The following RUFY2 variants were observed in gnomAD, a reference collection of about 807,000 sequenced individuals.
RUFY2 encodes RUN and FYVE domain containing 2, also known as RUN and FYVE domain-containing protein 2.
RUFY2 carries 49 observed loss-of-function variants against 94.4 expected under a neutral mutation model. The observed-to-expected ratio is 0.52, with a 90% confidence interval of 0.41 to 0.66. RUFY2 has a LOEUF of 0.66. Among genes scored for constraint, RUFY2 ranks in the 30% least tolerant of loss-of-function variants. RUFY2 has a pLI of 0.00. For synonymous variants in RUFY2, 255 were observed against 235.7 expected, an observed-to-expected ratio of 1.08 and a Z score of -0.75; for missense variants, 541 against 692.8, an observed-to-expected ratio of 0.78 and a Z score of 2.46.
chr10:68,379,605 T>C (rs1313118393), intron 11 of RUFY2, 84 bp from the exon 12 acceptor site: 14 of 942,118 alleles, frequency 1.5e-5, no homozygotes, highest in East Asian at 2.6e-5. Context: ...TTTTAATAGA[T>C]AGGGTATCAC....
intron 16 of RUFY2, among the ~76,000 whole-genome samples, chr10:68,352,079 G>A (rs1177988333): frequency 6.6e-6 from 1 of 151,222 alleles, no homozygotes; most frequent in African/African-American, 2.4e-5. Context: ...GAAAAAAAGT[G>A]TGAGGATAAA....
In RUFY2 at chr10:68,343,877, ACTT is replaced by A; in HGVS notation, c.*1888_*1890del. The A allele has an allele frequency of 8.0e-6, 1 of 125,026 alleles. No individual in the cohort carries two copies. Among genetic ancestry groups the A allele is most frequent in the Non-Finnish European group, 1.8e-5 (1 of 55,470 alleles). 7.7% of individuals were successfully genotyped at this position (125,026 alleles called of 1,614,324 possible). A position where few individuals can be genotyped will look rare whatever the true frequency, so the allele number is the denominator to read the frequency against. On this transcript the variant is annotated 3_prime_UTR_variant, in exon 18 of 18. Transcript: ENST00000602465. ...ATACATGAGTTTTGAAAAGTGAGAA[ACTT>A]ACTTAAAGGATGACAAAATCATGGT... is the stretch of plus-strand genomic sequence containing the variant.
At chr10:68,378,632 A>G in intron 12 of RUFY2, 1 of 1,613,098 alleles carries the variant, frequency 6.2e-7, no homozygotes, top group Non-Finnish European at 8.5e-7. Context: ...CACCAATGAC[A>G]TTGCAATTGT....
intron 12 of RUFY2, 159 bp from the exon 13 acceptor site, chr10:68,377,131 A>C (rs2048732386): frequency 6.7e-7 from 1 of 1,499,140 alleles, no homozygotes. Context: ...AAAGAGCCAC[A>C]CAATGTCTAG....
intron 10 of RUFY2, among the ~76,000 whole-genome samples, chr10:68,382,040 G>C (rs1477459839): frequency 6.7e-6 from 1 of 150,048 alleles, no homozygotes; most frequent in Non-Finnish European, 1.5e-5. Flanking sequence ...TCAAATAACA[G>C]TTTAATTTCC....
downstream of RUFY2, chr10:68,342,224 GTTTA>G (rs2046010671): frequency 1.9e-6 from 1 of 524,860 alleles, no homozygotes. Flanking sequence ...TTTTCTGTAG[GTTTA>G]TTTGTTGCAT....
intron 12 of RUFY2, 37 bp from the exon 13 acceptor site, chr10:68,377,009 G>A (rs1671457747): frequency 6.2e-7 from 1 of 1,612,184 alleles, no homozygotes; most frequent in Non-Finnish European, 8.5e-7. Context: ...TAAAACTGAG[G>A]CTAGAACTAG....
At chr10:68,366,755 T>TAC (rs1483342671) in intron 13 of RUFY2, among the ~76,000 whole-genome samples, 1,917 of 138,644 alleles carry the variant, frequency 0.014, 63 homozygotes, top group South Asian at 0.023. Flanking sequence ...TATATATATA[T>TAC]ATATAATATT....
chr10:68,341,863 T>C (rs375884903), downstream of RUFY2: 106 of 1,602,204 alleles, frequency 6.6e-5, no homozygotes, highest in African/African-American at 8.7e-4. Flanking sequence ...TAAGTATCTC[T>C]AGTTCAGTTT....
At chr10:68,356,259 T>C in intron 15 of RUFY2, among the ~76,000 whole-genome samples, 1 of 151,976 alleles carries the variant, frequency 6.6e-6, no homozygotes, top group Non-Finnish European at 1.5e-5. Context: ...ATCCCAGCAC[T>C]TTTGGGGGCC....
intron 4 of RUFY2, among the ~76,000 whole-genome samples, chr10:68,395,687 GAGA>G (rs2050342258): frequency 6.6e-6 from 1 of 152,178 alleles, no homozygotes; most frequent in Non-Finnish European, 1.5e-5. Flanking sequence ...CATACATTCA[GAGA>G]AGTAGTTATC....
intron 16 of RUFY2, among the ~76,000 whole-genome samples, chr10:68,353,695 A>C (rs1363481449): frequency 6.6e-6 from 1 of 152,064 alleles, no homozygotes; most frequent in African/African-American, 2.4e-5. Flanking sequence ...GCTACTCAGG[A>C]GGCTGAGGCA....
chr10:68,381,534 A>C, intron 10 of RUFY2, 135 bp from the exon 11 acceptor site: 1 of 744,624 alleles, frequency 1.3e-6, no homozygotes, highest in Non-Finnish European at 2.1e-6. Context: ...CAGGCCCTAT[A>C]ACAAGGCAAT....
intron 13 of RUFY2, among the ~76,000 whole-genome samples, chr10:68,370,721 A>G (rs1386202604): frequency 6.6e-6 from 1 of 152,136 alleles, no homozygotes; most frequent in Non-Finnish European, 1.5e-5. Flanking sequence ...TGAAAAATAC[A>G]ATAATCTTAC....
chr10:68,351,953 A>T (rs1480342625), intron 16 of RUFY2, among the ~76,000 whole-genome samples: 1 of 151,084 alleles, frequency 6.6e-6, no homozygotes, highest in African/African-American at 2.4e-5. Flanking sequence ...GCTACTTGGG[A>T]GGCTGAGGCA....
At chr10:68,376,488 A>T (rs4746765) in intron 13 of RUFY2, among the ~76,000 whole-genome samples, 2,261 of 22,506 alleles carry the variant, frequency 0.1, 432 homozygotes, top group Non-Finnish European at 0.22. Context: ...ATATATATAT[A>T]TATTCTCAGA....
Position 68,358,299 on chromosome 10 carries a change from A to G in RUFY2, c.1551-2898T>C, listed in dbSNP as rs536970230. ...TGAATCAAATGATATATCAGATACT[A>G]AAGCCTCTACTACTGAAGCAGGACA... is the stretch of plus-strand genomic sequence containing the variant. On this transcript the variant is annotated intron_variant, in intron 15 of 17. Coordinates refer to ENST00000602465, the MANE Select transcript of RUFY2 (RefSeq NM_001330103.2). Among the ~76,000 whole-genome samples the G allele has an allele frequency of 2.0e-5, 3 of 152,340 alleles. No individual in the cohort carries two copies. In the South Asian group the frequency reaches 6.2e-4, roughly 32 times the overall value.
At chr10:68,387,976 C>G (rs2049646555) in intron 7 of RUFY2, among the ~76,000 whole-genome samples, 1 of 152,068 alleles carries the variant, frequency 6.6e-6, no homozygotes, top group South Asian at 2.1e-4. Flanking sequence ...GCACTCCAGC[C>G]TGGGTGACAG....
chr10:68,393,927 G>A, intron 6 of RUFY2, 148 bp downstream of exon 6: 3 of 1,393,728 alleles, frequency 2.2e-6, no homozygotes, highest in Non-Finnish European at 2.8e-6. Flanking sequence ...GCTTTGTAAA[G>A]CTTGTAATGG....
Sources: allele counts gnomAD v4.1 joint callset (sites outside exome capture counted in the v4.1 genomes callset), GRCh38; gene constraint gnomAD v4.1.1; transcripts MANE v1.5; gene names NCBI Gene and HGNC (gene_info 2026-07-23, HGNC 2026-07-21).